Variants in FGD4 observed in about 807,000 individuals in gnomAD.
The protein encoded by FGD4 is FYVE, RhoGEF and PH domain containing 4.
Under a neutral mutation model 102.0 loss-of-function variants are expected in FGD4, and 42 were observed. The ratio of observed to expected loss-of-function variants is 0.41; its 90% CI spans 0.32 to 0.53. The LOEUF is 0.53. Ranked by LOEUF, FGD4 falls within the 20% of genes least tolerant of loss-of-function variation. The pLI is 0.21. For synonymous variants in FGD4, 380 were observed against 375.7 expected, an observed-to-expected ratio of 1.01 and a Z score of -0.13; for missense variants, 902 against 1,078.2, an observed-to-expected ratio of 0.84 and a Z score of 2.29.
At chr12:32,447,858 A>G (rs1942665686) in intron 1 of FGD4, among the ~76,000 whole-genome samples, 1 of 152,360 alleles carries the variant, frequency 6.6e-6, no homozygotes. Context: ...TGCTTCACAC[A>G]TAGCAGGCAC....
chr12:32,585,974 C>CAAAGAT (rs1314880752), intron 4 of FGD4, among the ~76,000 whole-genome samples: 47 of 151,330 alleles, frequency 3.1e-4, no homozygotes, highest in Non-Finnish European at 4.6e-4. Flanking sequence ...TGGGTGAGAT[C>CAAAGAT]AAAGATACGC....
chr12:32,473,311 C>T (rs564375573), intron 1 of FGD4, among the ~76,000 whole-genome samples: 1 of 151,888 alleles, frequency 6.6e-6, no homozygotes, highest in South Asian at 2.1e-4. Flanking sequence ...ACTCTTGCTA[C>T]TGCTCACTTT....
intron 1 of FGD4, among the ~76,000 whole-genome samples, chr12:32,485,284 G>A (rs973332898): frequency 2.0e-5 from 3 of 152,042 alleles, no homozygotes; most frequent in Admixed American, 1.3e-4. Context: ...TAGGTAACCC[G>A]CATAACCATT....
intron 4 of FGD4, among the ~76,000 whole-genome samples, chr12:32,587,116 G>C (rs1370995824): frequency 6.7e-6 from 1 of 149,074 alleles, no homozygotes; most frequent in Admixed American, 6.8e-5. Flanking sequence ...CTTGAATTCT[G>C]GATGTGGAGG....
intron 4 of FGD4, among the ~76,000 whole-genome samples, chr12:32,597,936 G>A (rs555191528): frequency 6.6e-6 from 1 of 152,202 alleles, no homozygotes; most frequent in South Asian, 2.1e-4. Flanking sequence ...AGAGTGCAGT[G>A]GCACAGTCAT....
intron 1 of FGD4, among the ~76,000 whole-genome samples, chr12:32,478,472 G>T (rs987796240): frequency 1.3e-5 from 2 of 152,152 alleles, no homozygotes; most frequent in African/African-American, 4.8e-5. Context: ...CACCATGTTG[G>T]CCAAGCTGGT....
At chr12:32,595,904 T>C (rs1947852703) in intron 4 of FGD4, among the ~76,000 whole-genome samples, 1 of 151,746 alleles carries the variant, frequency 6.6e-6, no homozygotes, top group Non-Finnish European at 1.5e-5. Flanking sequence ...TCAATGCCAC[T>C]GTAAGAAACA....
intron 1 of FGD4, among the ~76,000 whole-genome samples, chr12:32,499,980 T>C (rs1425318342): frequency 6.6e-6 from 1 of 152,254 alleles, no homozygotes; most frequent in African/African-American, 2.4e-5. Flanking sequence ...ATCGTGAGCA[T>C]GGGTGACAAA....
chr12:32,609,570 G>C (rs1246303927), intron 8 of FGD4, among the ~76,000 whole-genome samples: 1 of 152,106 alleles, frequency 6.6e-6, no homozygotes, highest in Non-Finnish European at 1.5e-5. Context: ...CTCAGACTTT[G>C]GTATCCCCTT....
chr12:32,485,736 G>T, intron 1 of FGD4: 2 of 604,848 alleles, frequency 3.3e-6, no homozygotes, highest in Non-Finnish European at 4.1e-6. Flanking sequence ...GAGCCACTGC[G>T]CCTGACCAAG....
At chr12:32,562,703 T>G (rs1335817468) in intron 1 of FGD4, among the ~76,000 whole-genome samples, 1 of 152,324 alleles carries the variant, frequency 6.6e-6, no homozygotes, top group South Asian at 2.1e-4. Flanking sequence ...ACACAGCACA[T>G]GTTTCAGAGA....
intron 1 of FGD4, among the ~76,000 whole-genome samples, chr12:32,430,195 C>T (rs1367574426): frequency 6.6e-6 from 1 of 151,972 alleles, no homozygotes; most frequent in African/African-American, 2.4e-5. Context: ...GTAATTCCAG[C>T]TACTTGGGAG....
At chr12:32,569,910 G>GC (rs1315115574) in intron 2 of FGD4, among the ~76,000 whole-genome samples, 1 of 152,062 alleles carries the variant, frequency 6.6e-6, no homozygotes, top group Non-Finnish European at 1.5e-5. Context: ...TGTTCACATT[G>GC]CTTCATATCT....
At position 32,481,127 on chromosome 12, in the gene FGD4, C is replaced by CAAAAAAAAAAAAAAAAAAA. The variant is rs1157108520; in HGVS notation, c.166+81180_166+81198dup. ...TGGGTGACAGAGTGAGACTCCGTCT[C>CAAAAAAAAAAAAAAAAAAA]AAAAAAAAAAAAAAAAAAAAAAAAA... is the stretch of plus-strand genomic sequence containing the variant. On this transcript the variant is annotated intron_variant, in intron 1 of 16. Coordinates refer to ENST00000534526, the MANE Select transcript of FGD4 (RefSeq NM_001370298.3). Among the ~76,000 whole-genome samples, 3 of 27,360 alleles carry CAAAAAAAAAAAAAAAAAAA rather than the reference C, an allele frequency of 1.1e-4. 1 individual carries two copies. Among genetic ancestry groups the CAAAAAAAAAAAAAAAAAAA allele is most frequent in the Non-Finnish European group, 1.7e-4 (3 of 17,876 alleles). The allele number at this position is 27,360 out of a possible 152,430, so 17.9% of individuals were successfully genotyped here. A position where few individuals can be genotyped will look rare whatever the true frequency, so the allele number is the denominator to read the frequency against.
At chr12:32,456,300 A>G (rs976955800) in intron 1 of FGD4, among the ~76,000 whole-genome samples, 2 of 152,124 alleles carry the variant, frequency 1.3e-5, no homozygotes, top group Non-Finnish European at 2.9e-5. Flanking sequence ...CTATTGCCAT[A>G]ATTTGTGGCT....
At chr12:32,423,931 G>A (rs912472543) in intron 1 of FGD4, among the ~76,000 whole-genome samples, 2 of 146,076 alleles carry the variant, frequency 1.4e-5, no homozygotes, top group Non-Finnish European at 3.0e-5. Context: ...CTACTTCCAT[G>A]AATTTGACTT....
chr12:32,597,646 G>A (rs1195127993), intron 4 of FGD4, among the ~76,000 whole-genome samples: 2 of 151,954 alleles, frequency 1.3e-5, no homozygotes, highest in Non-Finnish European at 2.9e-5. Context: ...CAGCTAACAA[G>A]GAAAAAATGT....
intron 1 of FGD4, among the ~76,000 whole-genome samples, chr12:32,514,407 C>T (rs184357494): frequency 5.3e-5 from 8 of 152,310 alleles, no homozygotes; most frequent in African/African-American, 1.9e-4. Flanking sequence ...TTAGTCTTCT[C>T]TGAGCTCTTG....
chr12:32,520,671 C>T (rs1435167584), intron 1 of FGD4, among the ~76,000 whole-genome samples: 4 of 152,084 alleles, frequency 2.6e-5, no homozygotes, highest in African/African-American at 4.8e-5. Context: ...CTCCTGACCT[C>T]GTGATCCACC....
Sources: gnomAD v4.1 joint callset for allele counts (sites outside exome capture counted in the v4.1 genomes callset) on GRCh38, gnomAD v4.1.1 for gene constraint, MANE v1.5 for transcripts, NCBI Gene and HGNC (gene_info 2026-07-23, HGNC 2026-07-21) for gene names.